Variants in PTPRU observed in about 807,000 individuals in gnomAD.
PTPRU encodes the protein receptor-type tyrosine-protein phosphatase U.
PTPRU carries 69 observed loss-of-function variants against 166.3 expected under a neutral mutation model. The observed-to-expected ratio is 0.41, with a 90% CI of 0.34 to 0.51. The LOEUF (loss-of-function observed/expected upper bound fraction) is 0.51. Among genes scored for constraint, PTPRU ranks in the 20% least tolerant of loss-of-function variants. PTPRU has a pLI of 0.09. For synonymous variants in PTPRU, 793 were observed against 814.0 expected (o/e 0.97, Z 0.44); for missense variants, 1,657 against 2,013.7 (o/e 0.82, Z 3.39).
At chr1:29,319,988 C>T (rs115609571) in intron 25 of PTPRU, among the ~76,000 whole-genome samples, 2,305 of 152,260 alleles carry the variant, frequency 0.015, 60 homozygotes, top group African/African-American at 0.051. Context: ...CCTGGAGAGC[C>T]TGGGGCCCCA....
chr1:29,295,775 C>T (rs1024628266), intron 15 of PTPRU, among the ~76,000 whole-genome samples: 13 of 152,148 alleles, frequency 8.5e-5, no homozygotes, highest in Admixed American at 3.3e-4. Flanking sequence ...CAACCTCTGC[C>T]TCCCTGGTTC....
rs1420272088 is a variant in PTPRU at position 29,238,477 on chromosome 1, A to T, written c.73+1760A>T. 1.3e-5 allele frequency among the ~76,000 whole-genome samples: 2 copies of T among 152,102 alleles called. No individual in the cohort carries two copies. Among genetic ancestry groups the T allele is most frequent in the Non-Finnish European group, 2.9e-5 (2 of 68,002 alleles). ...GCGGAGCCGCTTCCTCACGGTCGCC[A>T]GCCGCAGACAACTGACCTCCCCGGC... On this transcript the variant is annotated intron_variant, in intron 1 of 29. Transcript: ENST00000373779. This position sits in a 1 kb window ranked among gnomAD's most constrained non-coding sequence, Gnocchi z 6.1.
intron 11 of PTPRU, among the ~76,000 whole-genome samples, chr1:29,281,350 GCCC>G (rs948688615): frequency 6.6e-6 from 1 of 152,164 alleles, no homozygotes; most frequent in Non-Finnish European, 1.5e-5. Flanking sequence ...GAGCCTCAGG[GCCC>G]TTATGCCACT....
intron 14 of PTPRU, among the ~76,000 whole-genome samples, chr1:29,288,384 G>T (rs1017205383): frequency 6.6e-6 from 1 of 152,184 alleles, no homozygotes; most frequent in African/African-American, 2.4e-5. Flanking sequence ...GGTGCTGGGT[G>T]TTGGGGGCAA....
intron 14 of PTPRU, chr1:29,289,862 C>G: frequency 1.2e-6 from 1 of 865,268 alleles, no homozygotes; most frequent in South Asian, 1.5e-5. Context: ...CTCTGACTTT[C>G]TTTCCTCTGC....
intron 15 of PTPRU, among the ~76,000 whole-genome samples, chr1:29,297,394 G>A (rs1436751445): frequency 6.6e-6 from 1 of 152,156 alleles, no homozygotes; most frequent in African/African-American, 2.4e-5. Flanking sequence ...TACAAATCAG[G>A]AAACAGAGGC....
rs1400795606 is a variant in PTPRU at position 29,320,843 on chromosome 1, C to T, written c.3828+18C>T. On this transcript the variant is annotated intron_variant, in intron 26 of 29. Transcript: ENST00000373779. The surrounding 1 kb of genome is among the most constrained non-coding windows in gnomAD (Gnocchi z 5.2). ...CCGCCTGGGTGAGGCCTCCACTGGC[C>T]AGGCCAATGGGCCGCCTGCTCCCAG... The T allele has an allele frequency of 1.9e-6, 3 of 1,546,654 alleles. No homozygotes were observed. The highest frequency in any genetic ancestry group is 2.7e-5 in the African/African-American group (2 of 73,448).
At chr1:29,261,787 C>A (rs531533132) in intron 7 of PTPRU, among the ~76,000 whole-genome samples, 2 of 152,226 alleles carry the variant, frequency 1.3e-5, no homozygotes, top group Admixed American at 1.3e-4. Context: ...CCCGCCTCGG[C>A]CTTCCAAAGT....
Position 29,282,851 on chromosome 1 carries a change from G to A in PTPRU, c.2044G>A (p.Val682Met). 6.2e-7 allele frequency: 1 copy of A among 1,614,090 alleles called. No individual in the cohort carries two copies. Among genetic ancestry groups the A allele is most frequent in the Non-Finnish European group, 8.5e-7 (1 of 1,179,996 alleles). The change falls in exon 12 of 30, where the codon GTG becomes ATG. Residue 682 changes from valine to methionine, a missense_variant. Around this residue, in one of 3 missense-constraint regions of PTPRU, gnomAD observed 1,190 missense variants for 1,477.4 expected, o/e 0.81. Transcript: ENST00000373779. ...SSLPEAMPFT[V>M]GDNQTYRGFW... is the part of the protein sequence containing the mutation. The stretch of plus-strand genomic sequence containing the variant: ...TCTACCTGAGGCCATGCCCTTTACC[G>A]TGGGTGACAACCAGACCTACCGAGG...
chr1:29,256,045 C>T (rs922648695), intron 2 of PTPRU, among the ~76,000 whole-genome samples: 4 of 152,202 alleles, frequency 2.6e-5, no homozygotes, highest in African/African-American at 9.7e-5. Context: ...TGGGCTCAAA[C>T]CCTGTCTCCA....
At chr1:29,286,452 C>T (rs372953195) in intron 14 of PTPRU, among the ~76,000 whole-genome samples, 1 of 152,120 alleles carries the variant, frequency 6.6e-6, no homozygotes, top group Non-Finnish European at 1.5e-5. Context: ...GCACCTTGCC[C>T]AGGCCACTTG....
At chr1:29,275,047 C>CAA (rs1423464895) in intron 7 of PTPRU, among the ~76,000 whole-genome samples, 2,782 of 64,388 alleles carry the variant, frequency 0.043, 111 homozygotes, top group African/African-American at 0.14. Flanking sequence ...GAGCCTCTGT[C>CAA]AAAAAAAAAA....
chr1:29,294,952 GC>G (rs1686812904), intron 15 of PTPRU, among the ~76,000 whole-genome samples: 1 of 150,258 alleles, frequency 6.7e-6, no homozygotes, highest in Non-Finnish European at 1.5e-5. Context: ...AATTATCGAG[GC>G]TATTTAAGTC....
chr1:29,237,251 C>G lies in PTPRU; in HGVS notation c.73+534C>G, dbSNP rs776035623. Among the ~76,000 whole-genome samples the G allele has an allele frequency of 2.6e-5, 4 of 151,068 alleles. No individual in the cohort carries two copies. The highest frequency in any genetic ancestry group is 1.3e-4 in the Admixed American group (2 of 15,214). On this transcript the variant is annotated intron_variant, in intron 1 of 29. Transcript: ENST00000373779. This position sits in a 1 kb window ranked among gnomAD's most constrained non-coding sequence, Gnocchi z 6.4. ...GTGTGGCGTGTGTGCTTTTGAGATC[C>G]GTGTACATGTGTGAAGGCGTGGGAA...
chr1:29,242,371 G>C (rs1357884986), intron 1 of PTPRU, among the ~76,000 whole-genome samples: 1 of 152,118 alleles, frequency 6.6e-6, no homozygotes, highest in Non-Finnish European at 1.5e-5. Flanking sequence ...TCGCTCTTCA[G>C]ACTCCAAAGC....
Position 29,320,564 on chromosome 1 carries a change from G to A in PTPRU, c.3688-121G>A, listed in dbSNP as rs1309859752. ...GAAATGGCCCACTGGAGGCAGCCTG[G>A]TCCTGTGGGGCACAACCGTCCAACT... On this transcript the variant is annotated intron_variant, in intron 25 of 29. Coordinates refer to ENST00000373779, the MANE Select transcript of PTPRU (RefSeq NM_133178.4). The surrounding 1 kb of genome is among the most constrained non-coding windows in gnomAD (Gnocchi z 5.2). 1 of 1,209,368 alleles carries A rather than the reference G, an allele frequency of 8.3e-7. No homozygotes were observed. Among genetic ancestry groups the A allele is most frequent in the African/African-American group, 1.5e-5 (1 of 65,070 alleles). The allele number at this position is 1,209,368 out of a possible 1,614,324, so 74.9% of individuals were successfully genotyped here. A position where few individuals can be genotyped will look rare whatever the true frequency, so the allele number is the denominator to read the frequency against.
At chr1:29,254,694 AAGG>A (rs1684697748) in intron 1 of PTPRU, among the ~76,000 whole-genome samples, 1 of 152,176 alleles carries the variant, frequency 6.6e-6, no homozygotes, top group South Asian at 2.1e-4. Context: ...GTTGTTTTTA[AAGG>A]AGATCTCATT....
chr1:29,283,011 A>T lies in PTPRU; in HGVS notation c.2142+62A>T. On this transcript the variant is annotated intron_variant, in intron 12 of 29. Coordinates refer to ENST00000373779, the MANE Select transcript of PTPRU (RefSeq NM_133178.4). ...GGTGTGGGGGGATGGCAGACAGGAG[A>T]TACCTTGGAGCAGGCCCAGCGCAGA... The T allele has an allele frequency of 5.0e-6, 8 of 1,585,500 alleles. No individual in the cohort carries two copies. The South Asian group carries it at 9.2e-5, about 18-fold the overall frequency.
At position 29,277,731 on chromosome 1, in the gene PTPRU, T is replaced by C. The variant is rs546071669; in HGVS notation, c.1454-1281T>C. ...TATTTCTATTCCCATTTTATTTCTA[T>C]TCCCATTTTACAGAAGAAGTCACAG... On this transcript the variant is annotated intron_variant, in intron 8 of 29. Coordinates refer to ENST00000373779, the MANE Select transcript of PTPRU (RefSeq NM_133178.4). 4.0e-5 allele frequency among the ~76,000 whole-genome samples: 6 copies of C among 151,284 alleles called. No individual in the cohort carries two copies. In the East Asian group the frequency reaches 9.7e-4, roughly 24 times the overall value.
Sources: gnomAD v4.1 joint callset for allele counts (sites outside exome capture counted in the v4.1 genomes callset) on GRCh38, gnomAD v4.1.1 for gene constraint, gnomAD v4.1.1 regional missense constraint, Gnocchi (gnomAD v3.1) non-coding constraint, MANE v1.5 for transcripts, NCBI Gene and HGNC (gene_info 2026-07-23, HGNC 2026-07-21) for gene names.